The following ELMO1 variants were observed in gnomAD, a reference collection of about 807,000 sequenced individuals.
ELMO1 encodes the protein engulfment and cell motility protein 1.
Under a neutral mutation model 98.9 loss-of-function variants are expected in ELMO1, and 26 were observed. The ratio of observed to expected loss-of-function variants is 0.26; its 90% CI spans 0.19 to 0.36. The LOEUF is 0.36. ELMO1 is among the 10% of genes least tolerant of loss of function. The probability of loss-of-function intolerance (pLI) is 1.00; values close to 1 mark genes in which losing one functional copy is unlikely to be tolerated. For missense variants in ELMO1, 627 were observed against 935.2 expected (o/e 0.67, Z 4.30); for synonymous variants, 346 against 346.0 (o/e 1.00, Z 0.00).
At chr7:37,337,695 T>C (rs867162660) in intron 2 of ELMO1, among the ~76,000 whole-genome samples, 5 of 152,052 alleles carry the variant, frequency 3.3e-5, no homozygotes, top group African/African-American at 7.2e-5. Flanking sequence ...GCCATGCAAA[T>C]ATGTAGGCCG....
intron 13 of ELMO1, among the ~76,000 whole-genome samples, chr7:37,183,365 AT>A (rs966082627): frequency 2.0e-5 from 3 of 152,246 alleles, no homozygotes; most frequent in Non-Finnish European, 1.5e-5. Context: ...AATTAGTGCC[AT>A]TTTTTATACA....
intron 1 of ELMO1, among the ~76,000 whole-genome samples, chr7:37,407,521 A>AC (rs1329469436): frequency 1.3e-5 from 2 of 151,946 alleles, no homozygotes; most frequent in Non-Finnish European, 2.9e-5. Context: ...AAAAAAAAAA[A>AC]AAGAACATGG....
chr7:37,422,130 G>T (rs1311557641), intron 1 of ELMO1, among the ~76,000 whole-genome samples: 1 of 152,162 alleles, frequency 6.6e-6, no homozygotes, highest in Non-Finnish European at 1.5e-5. Flanking sequence ...GCCTATCCCA[G>T]GATAAGAAAA....
chr7:37,213,331 T>C lies in ELMO1; in HGVS notation c.954+4A>G. The C allele has an allele frequency of 6.2e-7, 1 of 1,612,730 alleles. No individual in the cohort carries two copies. Among genetic ancestry groups the C allele is most frequent in the Non-Finnish European group, 8.5e-7 (1 of 1,179,526 alleles). Reference sequence around the variant, plus strand: ...GCTTTGACTGCTGTCCAATGAGCACTCACCTGGTCCTGGGGGTCCATTTTG... The same window carrying C: ...GCTTTGACTGCTGTCCAATGAGCACCCACCTGGTCCTGGGGGTCCATTTTG... On this transcript the variant is annotated splice_donor_region_variant and intron_variant, in intron 12 of 21. Coordinates refer to ENST00000310758, the MANE Select transcript of ELMO1 (RefSeq NM_014800.11).
chr7:36,975,240 T>A (rs1000686017), intron 16 of ELMO1, among the ~76,000 whole-genome samples: 16 of 151,490 alleles, frequency 1.1e-4, no homozygotes, highest in African/African-American at 3.9e-4. Flanking sequence ...GAGGCCAAGG[T>A]AGGCAGATCA....
chr7:37,082,433 G>A (rs1797915005), intron 15 of ELMO1, among the ~76,000 whole-genome samples: 1 of 152,152 alleles, frequency 6.6e-6, no homozygotes, highest in African/African-American at 2.4e-5. Flanking sequence ...GCCAGGTACG[G>A]TGGCTCATGT....
intron 2 of ELMO1, among the ~76,000 whole-genome samples, chr7:37,322,768 G>C (rs1454698519): frequency 5.9e-5 from 9 of 152,040 alleles, no homozygotes; most frequent in Non-Finnish European, 1.3e-4. Flanking sequence ...GTACCACCGT[G>C]CCAAGATAGT....
At chr7:37,147,908 T>C (rs1165010431) in intron 13 of ELMO1, among the ~76,000 whole-genome samples, 2 of 151,860 alleles carry the variant, frequency 1.3e-5, no homozygotes, top group Admixed American at 1.3e-4. Context: ...TTAACTGAGA[T>C]GGAAGTTGTA....
At chr7:37,210,755 C>G (rs79648084) in intron 13 of ELMO1, among the ~76,000 whole-genome samples, 1 of 151,962 alleles carries the variant, frequency 6.6e-6, no homozygotes, top group East Asian at 1.9e-4. Context: ...TTTACAACTG[C>G]AGAATTTGAT....
chr7:37,185,560 T>TAC (rs1791147895), intron 13 of ELMO1, among the ~76,000 whole-genome samples: 1 of 152,148 alleles, frequency 6.6e-6, no homozygotes, highest in African/African-American at 2.4e-5. Flanking sequence ...TGTATATATA[T>TAC]ACATACCATA....
At chr7:37,322,765 C>T (rs1244456045) in intron 2 of ELMO1, among the ~76,000 whole-genome samples, 1 of 151,768 alleles carries the variant, frequency 6.6e-6, no homozygotes, top group African/African-American at 2.4e-5. Context: ...ATAGTACCAC[C>T]GTGCCAAGAT....
intron 13 of ELMO1, among the ~76,000 whole-genome samples, chr7:37,171,524 G>T (rs958893017): frequency 9.5e-6 from 1 of 104,720 alleles, no homozygotes; most frequent in African/African-American, 3.7e-5. Flanking sequence ...ACAGAGTCTC[G>T]CTCTGTCACC....
intron 6 of ELMO1, among the ~76,000 whole-genome samples, chr7:37,247,123 AAACCTCT>A (rs1205187956): frequency 2.0e-5 from 3 of 152,232 alleles, no homozygotes; most frequent in Non-Finnish European, 4.4e-5. Flanking sequence ...ATATAGAGGG[AAACCTCT>A]AAATTAAACA....
rs192306413 is a variant in ELMO1, at chr7:37,018,543, C to T, written c.1301-5108G>A. Among the ~76,000 whole-genome samples, 241 of 151,748 alleles carry T rather than the reference C, an allele frequency of 1.6e-3. 1 individual carries two copies. The highest frequency in any genetic ancestry group is 6.4e-3 in the Admixed American group (97 of 15,208). ...CCAGGCTGGGGTGCAAAGGTGCAAT[C>T]GTGGCTCACTGCAACCTCTTCCTCC... On this transcript the variant is annotated intron_variant, in intron 15 of 21. Coordinates refer to ENST00000310758, the MANE Select transcript of ELMO1 (RefSeq NM_014800.11).
In ELMO1 at chr7:36,966,452, G is replaced by A. The variant is rs114230415; in HGVS notation, c.1437+46847C>T. ...TGCTCCCCAAATAATGCTGTTTCAC[G>A]TGACAAGGTTATACTCCTTCTCGAA... On this transcript the variant is annotated intron_variant, in intron 16 of 21. Transcript: ENST00000310758. Among the ~76,000 whole-genome samples the A allele has an allele frequency of 8.8e-3, 1,339 of 152,214 alleles. 22 individuals are homozygous for A. Among genetic ancestry groups the A allele is most frequent in the African/African-American group, 0.03 (1,259 of 41,528 alleles).
intron 4 of ELMO1, among the ~76,000 whole-genome samples, chr7:37,306,162 C>T (rs903173088): frequency 6.6e-6 from 1 of 152,108 alleles, no homozygotes; most frequent in Non-Finnish European, 1.5e-5. Context: ...ATTCAGCTTT[C>T]GAAGCAAGGA....
At chr7:36,946,637 T>A (rs1787512398) in intron 16 of ELMO1, among the ~76,000 whole-genome samples, 1 of 152,226 alleles carries the variant, frequency 6.6e-6, no homozygotes, top group South Asian at 2.1e-4. Context: ...AAACCCACTT[T>A]CTTCTAAAAC....
At chr7:37,169,693 G>A (rs897676633) in intron 13 of ELMO1, among the ~76,000 whole-genome samples, 2 of 151,992 alleles carry the variant, frequency 1.3e-5, no homozygotes, top group African/African-American at 2.4e-5. Context: ...GATGGGTCAC[G>A]TGCCGACATC....
intron 2 of ELMO1, among the ~76,000 whole-genome samples, chr7:37,326,916 C>T (rs1799851154): frequency 6.6e-6 from 1 of 152,146 alleles, no homozygotes; most frequent in Admixed American, 6.5e-5. Flanking sequence ...TAGAGATGAA[C>T]AATGCAAAAA....
Sources: gnomAD v4.1 joint callset for allele counts (sites outside exome capture counted in the v4.1 genomes callset) on GRCh38, gnomAD v4.1.1 for gene constraint, MANE v1.5 for transcripts, NCBI Gene and HGNC (gene_info 2026-07-23, HGNC 2026-07-21) for gene names.